Variants in ADGRL3 observed in about 807,000 individuals in gnomAD.
ADGRL3 encodes calcium-independent alpha-latrotoxin receptor 3.
In ADGRL3, 62 loss-of-function variants were observed where a neutral mutation model predicts 153.5. That is an observed-to-expected ratio of 0.40 (90% CI 0.33 to 0.50). The LOEUF is 0.50. ADGRL3 is among the 20% of genes least tolerant of loss of function. The pLI is 0.47. For synonymous variants in ADGRL3, 710 were observed against 672.5 expected (o/e 1.06, Z -0.86); for missense variants, 1,641 against 1,859.4 (o/e 0.88, Z 2.16).
intron 3 of ADGRL3, among the ~76,000 whole-genome samples, chr4:61,505,808 A>T (rs933653853): frequency 7.5e-6 from 1 of 133,294 alleles, no homozygotes; most frequent in Non-Finnish European, 1.6e-5. Flanking sequence ...CTCTGGACTC[A>T]CATCACATCT....
chr4:61,991,482 A>G lies in ADGRL3; in HGVS notation c.3237-4809A>G, dbSNP rs2099103406. Among the ~76,000 whole-genome samples the G allele has an allele frequency of 2.6e-5, 4 of 151,866 alleles. No individual in the cohort carries two copies. The South Asian group carries it at 8.3e-4, about 32-fold the overall frequency. The stretch of plus-strand genomic sequence containing the variant: ...GCATTTTGCTGAAAAAACTAATGAA[A>G]CTCTTTTAAAAAATATAACATGTTG... On this transcript the variant is annotated intron_variant, in intron 19 of 26. Transcript: ENST00000683033.
intron 2 of ADGRL3, among the ~76,000 whole-genome samples, chr4:61,430,038 A>G (rs1241042734): frequency 6.6e-6 from 1 of 152,148 alleles, no homozygotes; most frequent in Non-Finnish European, 1.5e-5. Flanking sequence ...TGAATGCTTT[A>G]TCTTCTAAAA....
intron 9 of ADGRL3, among the ~76,000 whole-genome samples, chr4:61,881,024 T>G (rs1247820176): frequency 6.6e-6 from 1 of 152,188 alleles, no homozygotes; most frequent in Non-Finnish European, 1.5e-5. Flanking sequence ...TAGCACCTAG[T>G]TGGATCCCCT....
intron 1 of ADGRL3, among the ~76,000 whole-genome samples, chr4:61,361,394 T>A (rs767848075): frequency 6.6e-6 from 1 of 152,172 alleles, no homozygotes; most frequent in African/African-American, 2.4e-5. Context: ...CATTGAAATA[T>A]CTGCTTTTGA....
intron 25 of ADGRL3, among the ~76,000 whole-genome samples, chr4:62,066,523 G>A (rs1450777431): frequency 6.6e-6 from 1 of 151,962 alleles, no homozygotes; most frequent in African/African-American, 2.4e-5. Context: ...TTCACGCAGA[G>A]TACTTCTGGA....
chr4:61,859,416 G>T lies in ADGRL3; in HGVS notation c.1481-33240G>T, dbSNP rs537500561. 5.3e-5 allele frequency among the ~76,000 whole-genome samples: 8 copies of T among 152,196 alleles called. No individual in the cohort carries two copies. The East Asian group carries it at 1.5e-3, about 29-fold the overall frequency. On this transcript the variant is annotated intron_variant, in intron 9 of 26. Coordinates refer to ENST00000683033, the MANE Select transcript of ADGRL3 (RefSeq NM_001387552.1). Reference sequence around the variant, plus strand: ...CAAATTAGTGACTAAATTTAATTTTGTTATACTCCAGTCATGATGATGTTA... The same window carrying T: ...CAAATTAGTGACTAAATTTAATTTTTTTATACTCCAGTCATGATGATGTTA...
At chr4:61,915,167 T>G (rs1260591335) in intron 13 of ADGRL3, among the ~76,000 whole-genome samples, 1 of 151,262 alleles carries the variant, frequency 6.6e-6, no homozygotes. Flanking sequence ...TAATGAATCT[T>G]TTTGTATAAG....
rs2096467594 is a variant in ADGRL3 at position 61,733,466 on chromosome 4, C to T, written c.1311C>T (p.Tyr437=). The T allele has an allele frequency of 6.2e-7, 1 of 1,613,626 alleles. No homozygotes were observed. The highest frequency in any genetic ancestry group is 1.1e-5 in the South Asian group (1 of 91,066). The change falls in exon 8 of 27, where the codon TAC becomes TAT. Residue 437 remains tyrosine (Y), a synonymous_variant. Coordinates refer to ENST00000683033, the MANE Select transcript of ADGRL3 (RefSeq NM_001387552.1). ...NSYQYIAAVD[Y]NPRDNLLYVW... is the part of the protein sequence containing the mutation. ...ACCAGTACATTGCAGCTGTGGATTA[C>T]AACCCCAGGGACAACCTACTTTATG...
At chr4:61,372,886 G>A (rs1028873018) in intron 1 of ADGRL3, among the ~76,000 whole-genome samples, 9 of 152,198 alleles carry the variant, frequency 5.9e-5, no homozygotes, top group Non-Finnish European at 1.2e-4. Context: ...GCGAGACTCC[G>A]TGGGGCAGGA....
intron 1 of ADGRL3, among the ~76,000 whole-genome samples, chr4:61,354,653 T>C (rs2096126849): frequency 6.6e-6 from 1 of 151,886 alleles, no homozygotes; most frequent in South Asian, 2.1e-4. Flanking sequence ...GTAAGATACA[T>C]AAAATTTTCA....
chr4:61,578,500 T>A (rs2098905128), intron 4 of ADGRL3, among the ~76,000 whole-genome samples: 1 of 152,134 alleles, frequency 6.6e-6, no homozygotes, highest in Non-Finnish European at 1.5e-5. Context: ...ATTTTTAAGA[T>A]TAATTTGATA....
chr4:61,783,230 T>A (rs1178345103), intron 8 of ADGRL3, among the ~76,000 whole-genome samples: 1 of 152,148 alleles, frequency 6.6e-6, no homozygotes, highest in African/African-American at 2.4e-5. Flanking sequence ...TTTTGGGATT[T>A]CATTATGATT....
At chr4:61,385,656 T>C (rs1483678168) in intron 2 of ADGRL3, 2 of 152,138 alleles carry the variant, frequency 1.3e-5, no homozygotes, top group East Asian at 3.9e-4. Flanking sequence ...TTCTCACTAG[T>C]TTTTAATATG....
intron 5 of ADGRL3, among the ~76,000 whole-genome samples, chr4:61,588,769 G>T (rs1163585082): frequency 6.6e-6 from 1 of 151,970 alleles, no homozygotes; most frequent in African/African-American, 2.4e-5. Flanking sequence ...TTATTTAGTT[G>T]TGTGTAGGTA....
intron 9 of ADGRL3, among the ~76,000 whole-genome samples, chr4:61,824,512 C>T (rs1262782987): frequency 6.6e-6 from 1 of 152,042 alleles, no homozygotes; most frequent in Non-Finnish European, 1.5e-5. Context: ...TTTATGTAAT[C>T]ACCAGAAAAT....
chr4:61,642,950 C>T (rs970339020), intron 5 of ADGRL3, among the ~76,000 whole-genome samples: 1 of 152,090 alleles, frequency 6.6e-6, no homozygotes, highest in Non-Finnish European at 1.5e-5. Context: ...TGTTTGTATC[C>T]TCTTTTATTT....
At chr4:61,708,735 A>G (rs2095902790) in intron 6 of ADGRL3, among the ~76,000 whole-genome samples, 1 of 152,088 alleles carries the variant, frequency 6.6e-6, no homozygotes, top group African/African-American at 2.4e-5. Context: ...TTTTCAGCTA[A>G]AAATAAAAAT....
chr4:61,881,205 A>T (rs2098506362), intron 9 of ADGRL3, among the ~76,000 whole-genome samples: 1 of 152,198 alleles, frequency 6.6e-6, no homozygotes, highest in African/African-American at 2.4e-5. Context: ...TTATCTGTTT[A>T]TTAGAAACGA....
chr4:61,789,119 GA>G (rs1321029804), intron 8 of ADGRL3, among the ~76,000 whole-genome samples: 3 of 152,086 alleles, frequency 2.0e-5, no homozygotes, highest in Non-Finnish European at 2.9e-5. Context: ...TGTTTATCTA[GA>G]TTTTTTTTAC....
Sources: allele counts gnomAD v4.1 joint callset (sites outside exome capture counted in the v4.1 genomes callset), GRCh38; gene constraint gnomAD v4.1.1; transcripts MANE v1.5; gene names NCBI Gene and HGNC (gene_info 2026-07-23, HGNC 2026-07-21).